Variants in SLC22A23 observed in about 807,000 individuals in gnomAD.
SLC22A23 encodes ion transporter protein.
In SLC22A23, 26 loss-of-function variants were observed where a neutral mutation model predicts 61.0. The ratio of observed to expected loss-of-function variants is 0.43; its 90% confidence interval spans 0.31 to 0.59. The LOEUF is 0.59. Ranked by LOEUF, SLC22A23 falls within the 20% of genes least tolerant of loss-of-function variation. The pLI is 0.11. For missense variants in SLC22A23, 796 were observed against 934.7 expected, an observed-to-expected ratio of 0.85 and a Z score of 1.94; for synonymous variants, 430 against 413.9, an observed-to-expected ratio of 1.04 and a Z score of -0.47.
At chr6:3,287,609 C>T (rs1398793898) in intron 6 of SLC22A23, among the ~76,000 whole-genome samples, 2 of 151,978 alleles carry the variant, frequency 1.3e-5, no homozygotes, top group Non-Finnish European at 2.9e-5. Flanking sequence ...CAACTCCACC[C>T]ACACAGCCTG....
intron 3 of SLC22A23, among the ~76,000 whole-genome samples, chr6:3,385,517 A>G (rs1767243338): frequency 6.9e-6 from 1 of 144,912 alleles, no homozygotes; most frequent in African/African-American, 2.7e-5. Flanking sequence ...CTCTGTCTCA[A>G]AAAACAAAAA....
intron 1 of SLC22A23, among the ~76,000 whole-genome samples, chr6:3,448,539 C>G (rs979976925): frequency 6.6e-6 from 1 of 152,060 alleles, no homozygotes; most frequent in East Asian, 1.9e-4. Context: ...GTCCCCCAGA[C>G]AGTTAGTGCA....
At chr6:3,292,864 C>T (rs528711416) in intron 5 of SLC22A23, among the ~76,000 whole-genome samples, 16 of 152,054 alleles carry the variant, frequency 1.1e-4, no homozygotes, top group African/African-American at 2.4e-4. Context: ...TCGGGGAGCA[C>T]GTGTCTTCCC....
intron 3 of SLC22A23, among the ~76,000 whole-genome samples, chr6:3,325,439 C>T (rs9503535): frequency 0.25 from 37,412 of 152,194 alleles, 5,590 homozygotes; most frequent in African/African-American, 0.42. Context: ...GCTGCTCAGC[C>T]ACAAGCAAAC....
chr6:3,443,265 G>A (rs1412093406), intron 1 of SLC22A23, among the ~76,000 whole-genome samples: 1 of 152,094 alleles, frequency 6.6e-6, no homozygotes, highest in South Asian at 2.1e-4. Context: ...TATTTTCCAC[G>A]GGGACCTGCG....
chr6:3,425,612 T>G (rs1395701431), intron 1 of SLC22A23, among the ~76,000 whole-genome samples: 1 of 152,144 alleles, frequency 6.6e-6, no homozygotes, highest in Non-Finnish European at 1.5e-5. Context: ...AGAACAAATC[T>G]ATGACATTAA....
intron 9 of SLC22A23, among the ~76,000 whole-genome samples, chr6:3,282,605 G>T (rs1374475208): frequency 6.6e-6 from 1 of 152,234 alleles, no homozygotes; most frequent in Non-Finnish European, 1.5e-5. Flanking sequence ...TTTCCCAAGG[G>T]TGTCATTATG....
At position 3,271,104 on chromosome 6, in the gene SLC22A23, T is replaced by G. The variant is rs1421103331; in HGVS notation, c.*1951A>C. 1 of 152,286 alleles carries G rather than the reference T, an allele frequency of 6.6e-6. No individual in the cohort carries two copies. The highest frequency in any genetic ancestry group is 1.5e-5 in the Non-Finnish European group (1 of 68,058). The allele number at this position is 152,286 out of a possible 1,614,324, so 9.4% of individuals were successfully genotyped here. A position where few individuals can be genotyped will look rare whatever the true frequency, so the allele number is the denominator to read the frequency against. On this transcript the variant is annotated 3_prime_UTR_variant, in exon 10 of 10. Coordinates refer to ENST00000406686, the MANE Select transcript of SLC22A23 (RefSeq NM_015482.2). ...TGACAGGTGGCTTTATAGCAAGTAC[T>G]CCAAAAAAGGTAAAAGGAATTTCAC...
intron 3 of SLC22A23, among the ~76,000 whole-genome samples, chr6:3,367,542 A>T (rs1232509208): frequency 6.6e-6 from 1 of 152,148 alleles, no homozygotes; most frequent in Non-Finnish European, 1.5e-5. Flanking sequence ...GGTCTCAGAG[A>T]GTGCATAGCA....
chr6:3,290,830 T>A (rs1447768917), intron 5 of SLC22A23: 1 of 152,274 alleles, frequency 6.6e-6, no homozygotes, highest in Admixed American at 6.5e-5. Flanking sequence ...CATGTCTTCA[T>A]GGAGTAATCC....
intron 1 of SLC22A23, chr6:3,438,437 C>G (rs76507432): frequency 2.3e-6 from 1 of 441,774 alleles, no homozygotes; most frequent in African/African-American, 2.0e-5. Flanking sequence ...GGGCCCCTGG[C>G]GGGAACCAGC....
chr6:3,441,164 C>T (rs1581896645), intron 1 of SLC22A23, among the ~76,000 whole-genome samples: 2 of 152,234 alleles, frequency 1.3e-5, no homozygotes, highest in East Asian at 3.9e-4. Context: ...GTGATGGGGG[C>T]TCGTTCAGGT....
At position 3,372,222 on chromosome 6, in the gene SLC22A23, G is replaced by A. The variant is rs1002343782; in HGVS notation, c.913+37966C>T. Among the ~76,000 whole-genome samples the A allele has an allele frequency of 6.6e-6, 1 of 152,230 alleles. No individual in the cohort carries two copies. Among genetic ancestry groups the A allele is most frequent in the Admixed American group, 6.5e-5 (1 of 15,288 alleles). ...GGGACTCTGAATATGCAAGGGAAGG[G>A]CAAGGAAGTCTGAAGCAGGGTAAAC... On this transcript the variant is annotated intron_variant, in intron 3 of 9. Coordinates refer to ENST00000406686, the MANE Select transcript of SLC22A23 (RefSeq NM_015482.2). The surrounding 1 kb of genome is among the most constrained non-coding windows in gnomAD (Gnocchi z 4.7).
Position 3,456,801 on chromosome 6 carries a change from C to T in SLC22A23, c.-242G>A, listed in dbSNP as rs952682810. On this transcript the variant is annotated 5_prime_UTR_variant, in exon 1 of 10. Coordinates refer to ENST00000406686, the MANE Select transcript of SLC22A23 (RefSeq NM_015482.2). This position sits in a 1 kb window ranked among gnomAD's most constrained non-coding sequence, Gnocchi z 7.1. ...CGGGCAGAGGCGGGCAGAGGCCGGCCGGGCCCTCAGCCGCCGCGGCTCATC... is the reference window on the plus strand; with the variant it reads ...CGGGCAGAGGCGGGCAGAGGCCGGCTGGGCCCTCAGCCGCCGCGGCTCATC... 1 of 148,426 alleles carries T rather than the reference C, an allele frequency of 6.7e-6. No individual in the cohort carries two copies. Among genetic ancestry groups the T allele is most frequent in the African/African-American group, 2.5e-5 (1 of 40,808 alleles). The allele number at this position is 148,426 out of a possible 1,614,324, so 9.2% of individuals were successfully genotyped here.
chr6:3,405,329 T>A (rs7748564), intron 3 of SLC22A23, among the ~76,000 whole-genome samples: 121,279 of 152,032 alleles, frequency 0.8, 48,943 homozygotes, highest in African/African-American at 0.91. Context: ...TTGGTGGAAA[T>A]AGCCTTGTGA....
At chr6:3,340,182 G>A (rs1219051741) in intron 3 of SLC22A23, among the ~76,000 whole-genome samples, 1 of 152,136 alleles carries the variant, frequency 6.6e-6, no homozygotes, top group Non-Finnish European at 1.5e-5. Flanking sequence ...AAATTGGTTG[G>A]CATTTCCATT....
intron 1 of SLC22A23, among the ~76,000 whole-genome samples, chr6:3,436,934 G>A (rs1771252399): frequency 6.6e-6 from 1 of 152,192 alleles, no homozygotes; most frequent in African/African-American, 2.4e-5. Flanking sequence ...CCGTACTCAA[G>A]GAGAAAATGC....
intron 1 of SLC22A23, chr6:3,444,673 G>C: frequency 1.8e-6 from 1 of 559,720 alleles, no homozygotes; most frequent in Non-Finnish European, 2.3e-6. Flanking sequence ...CTGGCTTTCT[G>C]ATCCCGGCCT....
chr6:3,282,481 C>A (rs1759559607), intron 9 of SLC22A23, among the ~76,000 whole-genome samples: 5 of 152,208 alleles, frequency 3.3e-5, no homozygotes, highest in Admixed American at 3.3e-4. Flanking sequence ...GTTAGCATGG[C>A]TACTGGAAAT....
Sources: allele counts gnomAD v4.1 joint callset (sites outside exome capture counted in the v4.1 genomes callset), GRCh38; gene constraint gnomAD v4.1.1; non-coding constraint Gnocchi (gnomAD v3.1); transcripts MANE v1.5; gene names NCBI Gene and HGNC (gene_info 2026-07-23, HGNC 2026-07-21).